Variants in SIL1 observed in about 807,000 individuals in gnomAD.
SIL1 encodes nucleotide exchange factor SIL1.
A neutral mutation model predicts 49.1 loss-of-function variants in SIL1; 40 were observed. The observed-to-expected ratio is 0.81, with a 90% CI of 0.63 to 1.06. The LOEUF (loss-of-function observed/expected upper bound fraction) is 1.06. SIL1 is among the 50% of genes least tolerant of loss of function. The probability of loss-of-function intolerance (pLI) is 0.00; values close to 1 mark genes in which losing one functional copy is unlikely to be tolerated. For synonymous variants in SIL1, 253 were observed against 250.8 expected (o/e 1.01, Z -0.08); for missense variants, 500 against 572.6 (o/e 0.87, Z 1.29).
intron 3 of SIL1, among the ~76,000 whole-genome samples, chr5:139,119,883 T>A (rs1379797488): frequency 6.6e-6 from 1 of 152,206 alleles, no homozygotes; most frequent in Non-Finnish European, 1.5e-5. Flanking sequence ...GGGACTAAGT[T>A]CTCAAGTGAA....
intron 7 of SIL1, among the ~76,000 whole-genome samples, chr5:138,958,976 C>T (rs1291248484): frequency 6.6e-6 from 1 of 152,176 alleles, no homozygotes; most frequent in African/African-American, 2.4e-5. Context: ...GGAATGGCAT[C>T]CATTTCTATC....
At chr5:139,145,979 T>A (rs529513789) in intron 1 of SIL1, among the ~76,000 whole-genome samples, 16 of 151,328 alleles carry the variant, frequency 1.1e-4, no homozygotes, top group South Asian at 1.0e-3. Flanking sequence ...AGTATGTGAG[T>A]GTGTGTGTGT....
At chr5:138,999,301 C>T (rs746424694) in intron 7 of SIL1, among the ~76,000 whole-genome samples, 1 of 152,140 alleles carries the variant, frequency 6.6e-6, no homozygotes, top group Non-Finnish European at 1.5e-5. Flanking sequence ...AGGTATTCTT[C>T]ATAGCTGCTG....
At chr5:139,101,561 C>A (rs1770588181) in intron 3 of SIL1, among the ~76,000 whole-genome samples, 2 of 152,236 alleles carry the variant, frequency 1.3e-5, no homozygotes, top group African/African-American at 4.8e-5. Context: ...TCTACCTTTT[C>A]TCTTCCCCCC....
chr5:139,099,254 C>T (rs1770534914), intron 3 of SIL1, among the ~76,000 whole-genome samples: 1 of 152,078 alleles, frequency 6.6e-6, no homozygotes, highest in Non-Finnish European at 1.5e-5. Flanking sequence ...GTTAAAATGG[C>T]TTATATCCAA....
chr5:139,023,678 T>A (rs1243680217), intron 6 of SIL1, among the ~76,000 whole-genome samples: 1 of 152,220 alleles, frequency 6.6e-6, no homozygotes, highest in East Asian at 1.9e-4. Context: ...AAACCACCAT[T>A]CAGTGAGTCT....
chr5:139,172,785 G>A (rs1472214466), intron 1 of SIL1, among the ~76,000 whole-genome samples: 2 of 152,180 alleles, frequency 1.3e-5, no homozygotes, highest in African/African-American at 2.4e-5. Context: ...GCTGCCAGCT[G>A]TTGCGGCCAC....
chr5:139,072,450 G>T (rs919792731), intron 3 of SIL1, among the ~76,000 whole-genome samples: 1 of 151,998 alleles, frequency 6.6e-6, no homozygotes, highest in Non-Finnish European at 1.5e-5. Context: ...GATAAAATGG[G>T]GAAAGGACAG....
chr5:138,969,272 G>T (rs556549009), intron 7 of SIL1, among the ~76,000 whole-genome samples: 98 of 152,288 alleles, frequency 6.4e-4, no homozygotes, highest in African/African-American at 2.0e-3. Flanking sequence ...GGCACCGCCT[G>T]CCAGCCATGG....
chr5:138,987,983 G>A (rs971116355), intron 7 of SIL1, among the ~76,000 whole-genome samples: 17 of 152,190 alleles, frequency 1.1e-4, no homozygotes, highest in African/African-American at 2.2e-4. Flanking sequence ...ACAGGCATGC[G>A]CCACCATGCC....
intron 7 of SIL1, among the ~76,000 whole-genome samples, chr5:138,984,206 C>A (rs1039282841): frequency 6.6e-6 from 1 of 152,112 alleles, no homozygotes; most frequent in Non-Finnish European, 1.5e-5. Context: ...GCACTCAAGG[C>A]AGATGAGAGA....
chr5:139,112,079 G>A (rs377141711), intron 3 of SIL1, among the ~76,000 whole-genome samples: 3 of 152,002 alleles, frequency 2.0e-5, no homozygotes, highest in Admixed American at 6.6e-5. Context: ...GCTCCTAACC[G>A]CGAGTGATCC....
chr5:139,039,667 T>G (rs1768995342), intron 5 of SIL1, among the ~76,000 whole-genome samples: 1 of 152,208 alleles, frequency 6.6e-6, no homozygotes, highest in African/African-American at 2.4e-5. Flanking sequence ...TACATTTGCC[T>G]TTAGTATTAT....
intron 3 of SIL1, among the ~76,000 whole-genome samples, chr5:139,062,716 A>G (rs904480616): frequency 6.6e-5 from 10 of 152,362 alleles, no homozygotes; most frequent in African/African-American, 2.2e-4. Flanking sequence ...TTCTAGTGAG[A>G]GAGGTACCTT....
At chr5:139,176,014 G>A (rs1036975406) in intron 1 of SIL1, among the ~76,000 whole-genome samples, 7 of 151,486 alleles carry the variant, frequency 4.6e-5, no homozygotes, top group Non-Finnish European at 8.8e-5. Context: ...CCTTTTTTGT[G>A]AGACAGTGTC....
Position 138,951,203 on chromosome 5 carries a change from C to T in SIL1, c.997G>A (p.Val333Ile), listed in dbSNP as rs368008196. ...KGTEVLAVRVVTLLYDLVTEK... is the reference protein window; with the variant it reads ...KGTEVLAVRVITLLYDLVTEK... ...GTGACCAGGTCGTAGAGCAGTGTGACCACGCGCACGGCGAGCACCTCCGTG... is the reference window on the plus strand; with the variant it reads ...GTGACCAGGTCGTAGAGCAGTGTGATCACGCGCACGGCGAGCACCTCCGTG... The change falls in exon 9 of 10, where the codon GTC becomes ATC. Residue 333 changes from valine to isoleucine, a missense_variant. Val to Ile is a conservative substitution (Grantham distance 29). Coordinates refer to ENST00000394817, the MANE Select transcript of SIL1 (RefSeq NM_022464.5). The T allele has an allele frequency of 1.9e-6, 3 of 1,610,902 alleles. No homozygotes were observed. The African/African-American group carries it at 4.0e-5, about 22-fold the overall frequency.
chr5:139,086,288 AG>A (rs1201168584), intron 3 of SIL1, among the ~76,000 whole-genome samples: 1 of 149,684 alleles, frequency 6.7e-6, no homozygotes, highest in Non-Finnish European at 1.5e-5. Context: ...AAAAAAAAAA[AG>A]AAGAAGAAGA....
intron 2 of SIL1, 147 bp from the exon 3 acceptor site, chr5:139,121,320 A>C: frequency 8.8e-7 from 1 of 1,135,454 alleles, no homozygotes; most frequent in Admixed American, 1.8e-5. Flanking sequence ...TCCTTTCCCA[A>C]GGTCAGCCTC....
chr5:139,106,696 C>T lies in SIL1; in HGVS notation c.244+14339G>A, dbSNP rs377315075. Among the ~76,000 whole-genome samples, 384 of 152,280 alleles carry T rather than the reference C, an allele frequency of 2.5e-3. 2 individuals are homozygous for T. The highest frequency in any genetic ancestry group is 8.9e-3 in the African/African-American group (369 of 41,560). On this transcript the variant is annotated intron_variant, in intron 3 of 9. Coordinates refer to ENST00000394817, the MANE Select transcript of SIL1 (RefSeq NM_022464.5). ...AAATAAAAACTCCAAGACTCACATTCTTCCAATGATGATAATGGCTTTCTT... is the reference window on the plus strand; with the variant it reads ...AAATAAAAACTCCAAGACTCACATTTTTCCAATGATGATAATGGCTTTCTT...
Sources: allele counts gnomAD v4.1 joint callset (sites outside exome capture counted in the v4.1 genomes callset), GRCh38; gene constraint gnomAD v4.1.1; transcripts MANE v1.5; gene names NCBI Gene and HGNC (gene_info 2026-07-23, HGNC 2026-07-21).